PEAK1: variants seen among roughly 807,000 people sequenced by gnomAD.
The protein encoded by PEAK1 is pseudopodium enriched atypical kinase 1.
In PEAK1, 54 loss-of-function variants were observed where a neutral mutation model predicts 124.7. That is an observed-to-expected ratio of 0.43 (90% CI 0.35 to 0.54). The LOEUF (loss-of-function observed/expected upper bound fraction) is 0.54. Ranked by LOEUF, PEAK1 falls within the 20% of genes least tolerant of loss-of-function variation. The pLI is 0.01. For missense variants in PEAK1, 2,046 were observed against 2,134.5 expected (o/e 0.96, Z 0.82); for synonymous variants, 719 against 760.0 (o/e 0.95, Z 0.89).
At chr15:77,366,309 A>G (rs2068234592) in intron 1 of PEAK1, among the ~76,000 whole-genome samples, 1 of 152,134 alleles carries the variant, frequency 6.6e-6, no homozygotes, top group Non-Finnish European at 1.5e-5. Flanking sequence ...GGAGTTCACT[A>G]AATGTCTCTG....
chr15:77,213,606 T>C (rs2059006458), intron 6 of PEAK1, among the ~76,000 whole-genome samples: 1 of 151,974 alleles, frequency 6.6e-6, no homozygotes, highest in African/African-American at 2.4e-5. Flanking sequence ...GGAGACTCGC[T>C]TGAACCTAGG....
chr15:77,101,361 C>A (rs146578065), exon 7 of PEAK1: 1 of 152,180 alleles, frequency 6.6e-6, no homozygotes, highest in East Asian at 1.9e-4. Flanking sequence ...CTGATTCTTA[C>A]GAGGCCGAGA....
chr15:77,214,012 T>C (rs1179373702), intron 6 of PEAK1, among the ~76,000 whole-genome samples: 1 of 152,202 alleles, frequency 6.6e-6, no homozygotes, highest in East Asian at 1.9e-4. Flanking sequence ...TAGAATTTCA[T>C]ATAAATAGAA....
At chr15:77,184,027 T>A (rs2057412918) in intron 6 of PEAK1, among the ~76,000 whole-genome samples, 2 of 151,888 alleles carry the variant, frequency 1.3e-5, no homozygotes, top group Non-Finnish European at 2.9e-5. Flanking sequence ...ATGGGGTTTC[T>A]CCATGTTGTC....
intron 1 of PEAK1, among the ~76,000 whole-genome samples, chr15:77,368,881 C>T (rs940169365): frequency 6.6e-6 from 1 of 152,152 alleles, no homozygotes; most frequent in African/African-American, 2.4e-5. Flanking sequence ...AGGGAATACA[C>T]ATGAAGCAAA....
At chr15:77,150,591 C>T (rs756687513) in intron 8 of PEAK1, among the ~76,000 whole-genome samples, 1 of 151,802 alleles carries the variant, frequency 6.6e-6, no homozygotes. Context: ...ATACATGTGC[C>T]ATGTTGGTGT....
intron 9 of PEAK1, among the ~76,000 whole-genome samples, chr15:77,132,588 G>A (rs572172571): frequency 2.4e-4 from 36 of 151,872 alleles, no homozygotes; most frequent in African/African-American, 8.0e-4. Flanking sequence ...CCAGCTACTC[G>A]GGAGGCTGAG....
At chr15:77,277,342 G>A (rs1009014233) in intron 5 of PEAK1, among the ~76,000 whole-genome samples, 6 of 152,110 alleles carry the variant, frequency 3.9e-5, no homozygotes, top group Non-Finnish European at 1.5e-5. Context: ...ACTATAAAGA[G>A]GCAGCACAGG....
intron 6 of PEAK1, among the ~76,000 whole-genome samples, chr15:77,242,543 C>T (rs1021845300): frequency 1.2e-4 from 19 of 152,120 alleles, no homozygotes; most frequent in African/African-American, 3.1e-4. Context: ...AACTGATGCG[C>T]TATGAAATCG....
At chr15:77,128,081 GAAA>G (rs753604137) in intron 9 of PEAK1, among the ~76,000 whole-genome samples, 1 of 84,798 alleles carries the variant, frequency 1.2e-5, no homozygotes, top group Non-Finnish European at 2.5e-5. Context: ...TCCATCTCAA[GAAA>G]AAAAAAAAAA....
chr15:77,263,865 A>G (rs2152943214), intron 5 of PEAK1, among the ~76,000 whole-genome samples: 1 of 152,342 alleles, frequency 6.6e-6, no homozygotes, highest in Admixed American at 6.5e-5. Context: ...TCAATAAAAT[A>G]CTAGCAAACC....
chr15:77,189,060 G>A (rs1228817422), intron 6 of PEAK1, among the ~76,000 whole-genome samples: 1 of 152,048 alleles, frequency 6.6e-6, no homozygotes, highest in Non-Finnish European at 1.5e-5. Context: ...AATTAGCCAG[G>A]CGTGGTGGTG....
At chr15:77,156,906 T>C (rs2055205786) in intron 8 of PEAK1, 1 of 152,232 alleles carries the variant, frequency 6.6e-6, no homozygotes, top group Non-Finnish European at 1.5e-5. Context: ...AGCTGTTTGA[T>C]GATAAAATCT....
At chr15:77,333,243 C>T (rs952080295) in intron 2 of PEAK1, 29 of 919,242 alleles carry the variant, frequency 3.2e-5, no homozygotes, top group South Asian at 1.5e-4. Flanking sequence ...TCTCAGCCTC[C>T]TAAAGTGCTG....
chr15:77,280,428 C>T (rs1449008150), intron 5 of PEAK1, among the ~76,000 whole-genome samples: 2 of 152,204 alleles, frequency 1.3e-5, no homozygotes, highest in Middle Eastern at 3.4e-3. Flanking sequence ...TTTTTAAATT[C>T]TATCTTCAAT....
chr15:77,353,156 G>A (rs556165069), intron 2 of PEAK1, among the ~76,000 whole-genome samples: 84 of 152,318 alleles, frequency 5.5e-4, no homozygotes, highest in African/African-American at 1.9e-3. Flanking sequence ...CGGCTATTCT[G>A]TGGCAAAGGC....
intron 1 of PEAK1, among the ~76,000 whole-genome samples, chr15:77,371,848 C>A (rs530601340): frequency 6.6e-6 from 1 of 152,166 alleles, no homozygotes; most frequent in Non-Finnish European, 1.5e-5. Context: ...CGCGCCACTG[C>A]GCTCCAACCC....
rs1306674478 is a variant in PEAK1, at chr15:77,121,068, G to T, written c.4078-5749C>A. Among the ~76,000 whole-genome samples, 4 of 151,976 alleles carry T rather than the reference G, an allele frequency of 2.6e-5. No homozygotes were observed. The East Asian group carries it at 7.7e-4, about 29-fold the overall frequency. On this transcript the variant is annotated intron_variant, in intron 9 of 9. Transcript: ENST00000682557. ...CATTTTTTATCTTTAAAAAATTTTT[G>T]TTTTTTATAATTTTTTTCAATTTTA...
At chr15:77,119,426 T>C (rs1285175411) in intron 9 of PEAK1, among the ~76,000 whole-genome samples, 16 of 152,234 alleles carry the variant, frequency 1.1e-4, no homozygotes, top group Non-Finnish European at 7.3e-5. Flanking sequence ...TCATTATCAA[T>C]TGATCATTCA....
Sources: allele counts gnomAD v4.1 joint callset (sites outside exome capture counted in the v4.1 genomes callset), GRCh38; gene constraint gnomAD v4.1.1; transcripts MANE v1.5; gene names NCBI Gene and HGNC (gene_info 2026-07-23, HGNC 2026-07-21).